The following DLGAP4 variants were observed in gnomAD, a reference collection of about 807,000 sequenced individuals.
The protein encoded by DLGAP4 is disks large-associated protein 4.
Under a neutral mutation model 86.9 loss-of-function variants are expected in DLGAP4, and 18 were observed. The observed-to-expected ratio is 0.21, with a 90% CI of 0.14 to 0.31. DLGAP4 has a LOEUF of 0.31. Among genes scored for constraint, DLGAP4 ranks in the 10% least tolerant of loss-of-function variants. The probability of loss-of-function intolerance (pLI) is 1.00; values close to 1 mark genes in which losing one functional copy is unlikely to be tolerated. For missense variants in DLGAP4, 1,085 were observed against 1,362.6 expected, an observed-to-expected ratio of 0.80 and a Z score of 3.21; for synonymous variants, 548 against 574.3, an observed-to-expected ratio of 0.95 and a Z score of 0.65.
At chr20:36,466,745 G>GA (rs1474053497) in intron 7 of DLGAP4, among the ~76,000 whole-genome samples, 1 of 152,216 alleles carries the variant, frequency 6.6e-6, no homozygotes, top group Non-Finnish European at 1.5e-5. Context: ...GACGGGTAGG[G>GA]ATGCCTAGGA....
At chr20:36,426,805 C>T (rs1251201492) in intron 2 of DLGAP4, among the ~76,000 whole-genome samples, 3 of 152,022 alleles carry the variant, frequency 2.0e-5, no homozygotes, top group African/African-American at 4.8e-5. Context: ...TATCTATGGA[C>T]GTGGTTGTCA....
At chr20:36,317,795 T>A (rs2065124218) in intron 1 of DLGAP4, among the ~76,000 whole-genome samples, 1 of 151,708 alleles carries the variant, frequency 6.6e-6, no homozygotes, top group Admixed American at 6.6e-5. Context: ...GGTGAGCATC[T>A]CTAGCTGGGT....
Position 36,320,400 on chromosome 20 carries a change from C to A in DLGAP4, c.-304+13888C>A, listed in dbSNP as rs560804030. ...GGGGTGGGAGCTCAGGCAATGGGAA[C>A]CATGCTTGGAGGGGCCCAGCCAGGC... On this transcript the variant is annotated intron_variant, in intron 1 of 12. Coordinates refer to ENST00000339266, the MANE Select transcript of DLGAP4 (RefSeq NM_001365621.2). 2.6e-5 allele frequency among the ~76,000 whole-genome samples: 4 copies of A among 151,974 alleles called. No individual in the cohort carries two copies. The South Asian group carries it at 6.2e-4, about 24-fold the overall frequency.
chr20:36,510,277 A>T (rs1175597219), intron 10 of DLGAP4, among the ~76,000 whole-genome samples: 1 of 150,544 alleles, frequency 6.6e-6, no homozygotes, highest in East Asian at 2.0e-4. Context: ...ATTTAATTTT[A>T]TTTTTTTGGC....
chr20:36,313,451 G>C (rs2065069991), intron 1 of DLGAP4, among the ~76,000 whole-genome samples: 1 of 152,122 alleles, frequency 6.6e-6, no homozygotes, highest in African/African-American at 2.4e-5. Context: ...TGTGACCCTG[G>C]CATGCTTGCC....
intron 7 of DLGAP4, among the ~76,000 whole-genome samples, chr20:36,479,804 TG>T (rs1466937009): frequency 6.6e-6 from 1 of 152,100 alleles, no homozygotes; most frequent in Non-Finnish European, 1.5e-5. Flanking sequence ...TTGGGGGTGC[TG>T]GGCAGGGCAA....
intron 2 of DLGAP4, among the ~76,000 whole-genome samples, chr20:36,409,178 G>A (rs1375392869): frequency 6.6e-6 from 1 of 151,618 alleles, no homozygotes; most frequent in East Asian, 1.9e-4. Flanking sequence ...TGGGATTACA[G>A]GCATGTGCAG....
intron 1 of DLGAP4, among the ~76,000 whole-genome samples, chr20:36,335,730 G>A (rs781994112): frequency 1.1e-4 from 16 of 152,128 alleles, no homozygotes; most frequent in Non-Finnish European, 2.2e-4. Flanking sequence ...TTCCCCATCC[G>A]TCGTGCCTCC....
At chr20:36,389,884 A>T (rs996969727) in intron 2 of DLGAP4, among the ~76,000 whole-genome samples, 6 of 152,216 alleles carry the variant, frequency 3.9e-5, no homozygotes, top group Admixed American at 6.5e-5. Context: ...CAGTAAATAC[A>T]GTAACAACAG....
intron 11 of DLGAP4, 104 bp from the exon 12 acceptor site, chr20:36,525,747 G>T: frequency 6.6e-7 from 1 of 1,506,340 alleles, no homozygotes; most frequent in Non-Finnish European, 9.0e-7. Context: ...AAGAGCCCCC[G>T]CGGGTGCTGG....
chr20:36,432,376 G>A lies in DLGAP4; in HGVS notation c.659G>A (p.Ser220Asn), dbSNP rs1403549700. ...NLDGEAGAFR[S>N]SGPASGLMTL... ...GACGGCGAGGCCGGCGCCTTCCGCA[G>A]CAGTGGCCCAGCCTCTGGGCTGATG... The change falls in exon 3 of 13, where the codon AGC becomes AAC. Residue 220 changes from serine to asparagine, a missense_variant. Transcript: ENST00000339266. The surrounding 1 kb of genome is among the most constrained non-coding windows in gnomAD (Gnocchi z 6.5). The A allele has an allele frequency of 6.2e-7, 1 of 1,613,542 alleles. No individual in the cohort carries two copies. Among genetic ancestry groups the A allele is most frequent in the African/African-American group, 1.3e-5 (1 of 74,962 alleles).
At chr20:36,317,425 T>TTC (rs2065119829) in intron 1 of DLGAP4, among the ~76,000 whole-genome samples, 1 of 102,892 alleles carries the variant, frequency 9.7e-6, no homozygotes, top group African/African-American at 3.8e-5. Context: ...CTTTCTTTTC[T>TTC]TTTCTTCTTT....
chr20:36,506,515 T>C (rs1405697748), intron 10 of DLGAP4, among the ~76,000 whole-genome samples: 1 of 152,192 alleles, frequency 6.6e-6, no homozygotes, highest in Non-Finnish European at 1.5e-5. Context: ...ATGTCCCTTA[T>C]CCAAAATACA....
intron 2 of DLGAP4, among the ~76,000 whole-genome samples, chr20:36,372,049 C>T (rs1330854283): frequency 6.6e-6 from 1 of 152,182 alleles, no homozygotes; most frequent in East Asian, 1.9e-4. Flanking sequence ...AGATCTGGGT[C>T]ATCCCTTTGA....
At chr20:36,410,527 T>C (rs1036106959) in intron 2 of DLGAP4, among the ~76,000 whole-genome samples, 7 of 152,240 alleles carry the variant, frequency 4.6e-5, no homozygotes, top group African/African-American at 1.7e-4. Context: ...CTTACAGTTC[T>C]GCAAGCTATA....
At position 36,499,527 on chromosome 20, in the gene DLGAP4, G is replaced by T. The variant is rs2036041310; in HGVS notation, c.2011-61G>T. The T allele has an allele frequency of 2.0e-6, 3 of 1,524,756 alleles. 1 individual carries two copies. The highest frequency in any genetic ancestry group is 1.2e-5 in the South Asian group (1 of 85,946). 94.5% of individuals were successfully genotyped at this position (1,524,756 alleles called of 1,614,324 possible). The stretch of plus-strand genomic sequence containing the variant: ...AATGTGAATTTCAGCAGCAAGTGTG[G>T]TGTTTGTTTTTTATTTTTGTCTTTG... On this transcript the variant is annotated intron_variant, in intron 8 of 12. Transcript: ENST00000339266.
At position 36,467,048 on chromosome 20, in the gene DLGAP4, CTCTCTCTCTCTCTCT is replaced by C. The variant is rs1389431819; in HGVS notation, c.1648+20112_1648+20126del. On this transcript the variant is annotated intron_variant, in intron 7 of 12. Coordinates refer to ENST00000339266, the MANE Select transcript of DLGAP4 (RefSeq NM_001365621.2). ...TCTCTCTCTCTCTCTCTCTCTCTCT[CTCTCTCTCTCTCTCT>C]CCCCCCCCCTTCTCTCGGCCCTGCC... 2.2e-3 allele frequency among the ~76,000 whole-genome samples: 290 copies of C among 134,722 alleles called. 7 individuals are homozygous for C. The highest frequency in any genetic ancestry group is 9.3e-3 in the African/African-American group (261 of 28,210). The allele number at this position is 134,722 out of a possible 152,430, so 88.4% of individuals were successfully genotyped here. A position where few individuals can be genotyped will look rare whatever the true frequency, so the allele number is the denominator to read the frequency against.
chr20:36,427,973 A>C (rs1237227575), intron 2 of DLGAP4, among the ~76,000 whole-genome samples: 1 of 152,158 alleles, frequency 6.6e-6, no homozygotes, highest in Admixed American at 6.6e-5. Flanking sequence ...GGGAAAAAAA[A>C]CTGGAAAAAT....
In DLGAP4 at chr20:36,316,694, C is replaced by G. The variant is rs931951637; in HGVS notation, c.-304+10182C>G. 3.9e-4 allele frequency among the ~76,000 whole-genome samples: 59 copies of G among 152,172 alleles called. 1 individual carries two copies. The highest frequency in any genetic ancestry group is 3.3e-4 in the Admixed American group (5 of 15,286). On this transcript the variant is annotated intron_variant, in intron 1 of 12. Coordinates refer to ENST00000339266, the MANE Select transcript of DLGAP4 (RefSeq NM_001365621.2). Reference sequence around the variant, plus strand: ...AACAGGTGGGGGTGGAAAGGCAGCCCAGCTCACCAGCCCGTCCCCTTCAGC... The same window carrying G: ...AACAGGTGGGGGTGGAAAGGCAGCCGAGCTCACCAGCCCGTCCCCTTCAGC...
Sources: gnomAD v4.1 joint callset for allele counts (sites outside exome capture counted in the v4.1 genomes callset) on GRCh38, gnomAD v4.1.1 for gene constraint, Gnocchi (gnomAD v3.1) non-coding constraint, MANE v1.5 for transcripts, NCBI Gene and HGNC (gene_info 2026-07-23, HGNC 2026-07-21) for gene names.